Variants in SFXN2 observed in about 807,000 individuals in gnomAD.
SFXN2 encodes the protein sideroflexin-2.
SFXN2 carries 37 observed loss-of-function variants against 41.9 expected under a neutral mutation model. The observed-to-expected ratio is 0.88, with a 90% CI of 0.68 to 1.16. SFXN2 has a LOEUF of 1.16. SFXN2 is among the 50% of genes most tolerant of loss of function. SFXN2 has a pLI of 0.00. For missense variants in SFXN2, 386 were observed against 425.2 expected (o/e 0.91, Z 0.81); for synonymous variants, 150 against 156.7 (o/e 0.96, Z 0.32).
At chr10:102,731,687 C>T (rs530420668) in intron 6 of SFXN2, 36 bp from the exon 7 acceptor site, 1 of 1,595,192 alleles carries the variant, frequency 6.3e-7, no homozygotes, top group Admixed American at 1.7e-5. Context: ...TTCCATCACC[C>T]CTTTCCCAAG....
rs922246351 is a variant in SFXN2, at chr10:102,737,698, A to G, written c.905A>G (p.Gln302Arg). The stretch of plus-strand genomic sequence containing the variant: ...GTTTCCTATCTGGAACCGAAGCTCC[A>G]AGACACTATCAAGGCCAAGTATGGA... ...LPVSYLEPKL[Q>R]DTIKAKYGEL... The change falls in exon 12 of 12, where the codon CAA (glutamine) becomes CGA (arginine). Residue 302 changes from glutamine to arginine, a missense_variant. By Grantham distance (43) the Gln-to-Arg change is conservative. Coordinates refer to ENST00000369893, the MANE Select transcript of SFXN2 (RefSeq NM_178858.6). The G allele has an allele frequency of 2.5e-6, 4 of 1,613,286 alleles. No individual in the cohort carries two copies. The highest frequency in any genetic ancestry group is 3.3e-4 in the Middle Eastern group (2 of 6,056).
intron 1 of SFXN2, among the ~76,000 whole-genome samples, chr10:102,716,921 C>T (rs1280005125): frequency 1.3e-5 from 2 of 151,828 alleles, no homozygotes; most frequent in African/African-American, 4.8e-5. Flanking sequence ...GAAGTAAGGC[C>T]TTAGCTGTTG....
chr10:102,722,848 C>A (rs2064528027), intron 1 of SFXN2, among the ~76,000 whole-genome samples: 1 of 151,550 alleles, frequency 6.6e-6, no homozygotes, highest in African/African-American at 2.4e-5. Flanking sequence ...CCCACCTGAC[C>A]AGAAGAACTT....
chr10:102,735,109 C>G (rs2064756629), intron 10 of SFXN2, among the ~76,000 whole-genome samples: 4 of 147,890 alleles, frequency 2.7e-5, no homozygotes, highest in Admixed American at 2.7e-4. Context: ...ATCCTGGTCA[C>G]TCCTCCCGAT....
chr10:102,737,515 T>A, intron 11 of SFXN2, 148 bp from the exon 12 acceptor site: 1 of 573,534 alleles, frequency 1.7e-6, no homozygotes, highest in Non-Finnish European at 3.2e-6. Context: ...CAGGCCTGCG[T>A]AATGGTAAAG....
Position 102,729,750 on chromosome 10 carries a change from G to A in SFXN2, c.535G>A (p.Val179Met), listed in dbSNP as rs2064672322. 4 of 1,613,912 alleles carry A rather than the reference G, an allele frequency of 2.5e-6. No homozygotes were observed. The highest frequency in any genetic ancestry group is 1.7e-5 in the Admixed American group (1 of 60,010). Residue 179 changes from valine to methionine, a missense_variant, in exon 6 of 12, where the codon GTG becomes ATG. Coordinates refer to ENST00000369893, the MANE Select transcript of SFXN2 (RefSeq NM_178858.6). ...AGCGCCGCCCTTGGTGGGCCGCTGG[G>A]TGCCCTTTGCCGCTGTGGCTGCGGC... ...KKAPPLVGRW[V>M]PFAAVAAANC...
At chr10:102,720,096 T>C (rs540042225) in intron 1 of SFXN2, among the ~76,000 whole-genome samples, 34 of 151,814 alleles carry the variant, frequency 2.2e-4, no homozygotes, top group African/African-American at 8.0e-4. Context: ...ATCGAGACCA[T>C]CCTGGCTAAC....
At chr10:102,715,874 G>A (rs920787472) in intron 1 of SFXN2, among the ~76,000 whole-genome samples, 38 of 150,134 alleles carry the variant, frequency 2.5e-4, no homozygotes, top group Admixed American at 2.5e-3. Flanking sequence ...CTTGAGCCCA[G>A]GAGCTATTAT....
intron 2 of SFXN2, 47 bp downstream of exon 2, chr10:102,726,844 G>A (rs1351032260): frequency 7.5e-6 from 12 of 1,605,932 alleles, no homozygotes; most frequent in South Asian, 6.6e-5. Flanking sequence ...AACATTGATG[G>A]GGTCCTCTTG....
intron 1 of SFXN2, among the ~76,000 whole-genome samples, chr10:102,724,330 T>C (rs1196853931): frequency 1.3e-5 from 2 of 152,246 alleles, no homozygotes; most frequent in African/African-American, 2.4e-5. Context: ...CCATGTCCAG[T>C]CTACTGATGA....
chr10:102,718,657 C>G (rs560960360), intron 1 of SFXN2, among the ~76,000 whole-genome samples: 2 of 152,212 alleles, frequency 1.3e-5, no homozygotes, highest in Non-Finnish European at 2.9e-5. Flanking sequence ...TGAGCCTCTC[C>G]TCTTGTTCCT....
Position 102,742,357 on chromosome 10 carries a change from T to G in SFXN2, c.*4595T>G, listed in dbSNP as rs7918739. ...AATTTTTTGTATTTTTAGTAGAGAT[T>G]GGGTTTCACAATGTTGGCCAGGCTC... On this transcript the variant is annotated 3_prime_UTR_variant, in exon 12 of 12. Coordinates refer to ENST00000369893, the MANE Select transcript of SFXN2 (RefSeq NM_178858.6). 0.97 allele frequency: 147,820 copies of G among 152,054 alleles called. 71,885 individuals are homozygous for G. The highest frequency in any genetic ancestry group is 1 in the East Asian group (5,147 of 5,152). 9.4% of individuals were successfully genotyped at this position (152,054 alleles called of 1,614,324 possible). A position where few individuals can be genotyped will look rare whatever the true frequency, so the allele number is the denominator to read the frequency against.
rs1297308021 is a variant in SFXN2, at chr10:102,740,160, T to C, written c.*2398T>C. The C allele has an allele frequency of 1.3e-5, 2 of 152,224 alleles. No homozygotes were observed. The highest frequency in any genetic ancestry group is 2.9e-5 in the Non-Finnish European group (2 of 68,030). 9.4% of individuals were successfully genotyped at this position (152,224 alleles called of 1,614,324 possible). A position where few individuals can be genotyped will look rare whatever the true frequency, so the allele number is the denominator to read the frequency against. On this transcript the variant is annotated 3_prime_UTR_variant, in exon 12 of 12. Coordinates refer to ENST00000369893, the MANE Select transcript of SFXN2 (RefSeq NM_178858.6). ...CTCCCCGTTTAAAAAAGTTAAAATA[T>C]AACTCACATACCATAAACTTAGTCC... is the stretch of plus-strand genomic sequence containing the variant.
At chr10:102,729,465 C>G in intron 5 of SFXN2, 71 bp downstream of exon 5, 3 of 1,546,684 alleles carry the variant, frequency 1.9e-6, no homozygotes, top group Non-Finnish European at 2.7e-6. Flanking sequence ...ACGTCCTTCC[C>G]CCAGGGACAG....
At chr10:102,726,490 G>A (rs2064594685) in intron 1 of SFXN2, 122 bp from the exon 2 acceptor site, 2 of 1,011,836 alleles carry the variant, frequency 2.0e-6, no homozygotes, top group Admixed American at 2.5e-5. Flanking sequence ...GCCCTCCCAA[G>A]CTGAGTCAGA....
At chr10:102,737,597 T>C in intron 11 of SFXN2, 66 bp from the exon 12 acceptor site, 1 of 1,023,862 alleles carries the variant, frequency 9.8e-7, no homozygotes, top group Non-Finnish European at 1.5e-6. Flanking sequence ...GGAGGTGATA[T>C]TCATCTGAGG....
At chr10:102,735,079 A>T in intron 10 of SFXN2, among the ~76,000 whole-genome samples, 2 of 52,942 alleles carry the variant, frequency 3.8e-5, no homozygotes, top group Non-Finnish European at 3.9e-5. Flanking sequence ...CCCCTCCCCC[A>T]CTCCAAAGTG....
chr10:102,721,598 T>C (rs1564739407), intron 1 of SFXN2, among the ~76,000 whole-genome samples: 2 of 147,542 alleles, frequency 1.4e-5, no homozygotes, highest in African/African-American at 4.9e-5. Flanking sequence ...TCTATAAATT[T>C]AAAAAATTAT....
At chr10:102,732,085 G>T in intron 7 of SFXN2, 67 bp from the exon 8 acceptor site, 1 of 1,468,558 alleles carries the variant, frequency 6.8e-7, no homozygotes. Flanking sequence ...TGCTGACCCA[G>T]CCCCCTGGTG....
Sources: allele counts gnomAD v4.1 joint callset (sites outside exome capture counted in the v4.1 genomes callset), GRCh38; gene constraint gnomAD v4.1.1; transcripts MANE v1.5; gene names NCBI Gene and HGNC (gene_info 2026-07-23, HGNC 2026-07-21).